The following TRAPPC9 variants were observed in gnomAD, a reference collection of about 807,000 sequenced individuals.
TRAPPC9 encodes the protein trafficking protein particle complex subunit 9, also known as IKK2 binding protein.
Under a neutral mutation model 124.0 loss-of-function variants are expected in TRAPPC9, and 83 were observed. The observed-to-expected ratio is 0.67, with a 90% confidence interval of 0.56 to 0.80. The LOEUF (loss-of-function observed/expected upper bound fraction) is 0.80. TRAPPC9 is among the 30% of genes least tolerant of loss of function. TRAPPC9 has a pLI of 0.00. For synonymous variants in TRAPPC9, 638 were observed against 617.5 expected (o/e 1.03, Z -0.49); for missense variants, 1,302 against 1,508.3 (o/e 0.86, Z 2.27).
intron 19 of TRAPPC9, among the ~76,000 whole-genome samples, chr8:139,971,748 T>TACACACAC (rs6150859): frequency 2.7e-5 from 4 of 145,964 alleles, no homozygotes; most frequent in African/African-American, 7.8e-5. Context: ...CATATATATA[T>TACACACAC]ACACACACAC....
At chr8:140,048,602 G>A (rs530790765) in intron 17 of TRAPPC9, among the ~76,000 whole-genome samples, 7 of 152,212 alleles carry the variant, frequency 4.6e-5, no homozygotes, top group Admixed American at 6.5e-5. Flanking sequence ...GCTTGGGTGC[G>A]GAGGGACAGG....
chr8:140,021,629 A>G (rs2131906992), intron 18 of TRAPPC9, among the ~76,000 whole-genome samples: 1 of 152,326 alleles, frequency 6.6e-6, no homozygotes, highest in Non-Finnish European at 1.5e-5. Context: ...AAAAAACAGG[A>G]ATTGTGCTCC....
chr8:139,784,608 C>CATATATATATATATATATATATAT (rs34583867), intron 21 of TRAPPC9, among the ~76,000 whole-genome samples: 15 of 88,652 alleles, frequency 1.7e-4, no homozygotes, highest in Middle Eastern at 6.2e-3. Flanking sequence ...AAAAGACTGA[C>CATATATATATATATATATATATAT]ATATATATAT....
At chr8:140,192,894 C>T (rs953194922) in intron 17 of TRAPPC9, among the ~76,000 whole-genome samples, 7 of 152,310 alleles carry the variant, frequency 4.6e-5, no homozygotes, top group Middle Eastern at 6.8e-3. Flanking sequence ...TCTCCTGCCT[C>T]AGCCTCCTGA....
At chr8:140,441,334 A>C (rs2071010072) in intron 2 of TRAPPC9, among the ~76,000 whole-genome samples, 1 of 152,102 alleles carries the variant, frequency 6.6e-6, no homozygotes, top group Non-Finnish European at 1.5e-5. Context: ...ATCCTGTTCC[A>C]AATGGGAAAA....
chr8:140,440,848 C>G (rs79077426), intron 2 of TRAPPC9, among the ~76,000 whole-genome samples: 1 of 152,086 alleles, frequency 6.6e-6, no homozygotes, highest in Admixed American at 6.6e-5. Flanking sequence ...AGGCTCTATC[C>G]GCCTCACAAC....
chr8:140,350,429 C>A (rs1365465279), intron 9 of TRAPPC9, among the ~76,000 whole-genome samples: 2 of 152,174 alleles, frequency 1.3e-5, no homozygotes, highest in Non-Finnish European at 1.5e-5. Context: ...AAACAGCCAT[C>A]GCAATGTGAC....
At chr8:140,055,450 A>G (rs756995876) in intron 17 of TRAPPC9, among the ~76,000 whole-genome samples, 12 of 152,250 alleles carry the variant, frequency 7.9e-5, no homozygotes, top group Non-Finnish European at 1.3e-4. Context: ...TTTTCCTCTA[A>G]TATCAGGAAT....
At chr8:140,364,772 G>A (rs937405803) in intron 8 of TRAPPC9, among the ~76,000 whole-genome samples, 18 of 151,842 alleles carry the variant, frequency 1.2e-4, no homozygotes, top group African/African-American at 3.6e-4. Flanking sequence ...TAGTACAGAC[G>A]GGTTGGCCAG....
intron 17 of TRAPPC9, among the ~76,000 whole-genome samples, chr8:140,190,021 A>G (rs952329761): frequency 3.9e-5 from 6 of 152,204 alleles, no homozygotes; most frequent in Non-Finnish European, 7.3e-5. Flanking sequence ...ACTCATAAAG[A>G]TGTGATCAAC....
intron 5 of TRAPPC9, among the ~76,000 whole-genome samples, chr8:140,416,918 A>C (rs1182080608): frequency 6.6e-6 from 1 of 152,220 alleles, no homozygotes; most frequent in Non-Finnish European, 1.5e-5. Context: ...AACGCCACAC[A>C]TCTACAACCA....
intron 18 of TRAPPC9, among the ~76,000 whole-genome samples, chr8:139,996,172 A>AG (rs1563675059): frequency 1.4e-5 from 2 of 147,638 alleles, no homozygotes; most frequent in Non-Finnish European, 1.5e-5. Flanking sequence ...AAAAAAAAAA[A>AG]AAAAAAAAAA....
At chr8:140,116,136 G>C (rs1343884042) in intron 17 of TRAPPC9, among the ~76,000 whole-genome samples, 1 of 152,162 alleles carries the variant, frequency 6.6e-6, no homozygotes, top group South Asian at 2.1e-4. Flanking sequence ...TCAGGGGAGA[G>C]GCAGGGGCAG....
intron 21 of TRAPPC9, among the ~76,000 whole-genome samples, chr8:139,841,483 C>A (rs1826726580): frequency 6.6e-6 from 1 of 152,178 alleles, no homozygotes; most frequent in African/African-American, 2.4e-5. Flanking sequence ...GCTTGTCTGG[C>A]AGAAGCAGCT....
intron 21 of TRAPPC9, among the ~76,000 whole-genome samples, chr8:139,741,823 G>C (rs1176000498): frequency 6.6e-6 from 1 of 152,116 alleles, no homozygotes; most frequent in Non-Finnish European, 1.5e-5. Context: ...TGTCTCTAAG[G>C]CTCACCCGTG....
intron 21 of TRAPPC9, among the ~76,000 whole-genome samples, chr8:139,803,861 T>A (rs1823739123): frequency 6.6e-6 from 1 of 152,114 alleles, no homozygotes; most frequent in South Asian, 2.1e-4. Context: ...TTTATTTCAG[T>A]CACTTTGGCA....
At chr8:139,883,370 C>A (rs2131101191) in intron 21 of TRAPPC9, among the ~76,000 whole-genome samples, 1 of 152,336 alleles carries the variant, frequency 6.6e-6, no homozygotes, top group East Asian at 1.9e-4. Context: ...CTATAAGCAA[C>A]AGAAAATGAA....
At chr8:140,059,431 C>A (rs1042939375) in intron 17 of TRAPPC9, among the ~76,000 whole-genome samples, 1 of 152,198 alleles carries the variant, frequency 6.6e-6, no homozygotes, top group Non-Finnish European at 1.5e-5. Context: ...AAGTCTTGTA[C>A]AGGCATGCAT....
intron 17 of TRAPPC9, among the ~76,000 whole-genome samples, chr8:140,073,173 C>T (rs1200291338): frequency 5.9e-5 from 9 of 152,168 alleles, no homozygotes; most frequent in Admixed American, 5.9e-4. Flanking sequence ...AGTATATGAC[C>T]TAACAATTCT....
Sources: allele counts gnomAD v4.1 joint callset (sites outside exome capture counted in the v4.1 genomes callset), GRCh38; gene constraint gnomAD v4.1.1; transcripts MANE v1.5; gene names NCBI Gene and HGNC (gene_info 2026-07-23, HGNC 2026-07-21).